Variants in COPG2 observed in about 807,000 individuals in gnomAD.
COPG2 encodes the protein coat protein complex I subunit gamma 2.
A neutral mutation model predicts 46.3 loss-of-function variants in COPG2; 37 were observed. That is an observed-to-expected ratio of 0.80 (90% CI 0.61 to 1.05). The LOEUF is 1.05. Among genes scored for constraint, COPG2 ranks in the 50% least tolerant of loss-of-function variants. COPG2 has a pLI of 0.00. For missense variants in COPG2, 427 were observed against 387.8 expected (o/e 1.10, Z -0.85); for synonymous variants, 159 against 129.7 (o/e 1.23, Z -1.53).
At chr7:130,513,031 A>G (rs782326478) in intron 20 of COPG2, among the ~76,000 whole-genome samples, 27 of 152,044 alleles carry the variant, frequency 1.8e-4, no homozygotes, top group Non-Finnish European at 3.8e-4. Flanking sequence ...CATGCCTGTA[A>G]TCCCAGCACT....
intron 20 of COPG2, among the ~76,000 whole-genome samples, chr7:130,545,894 T>C (rs1323026044): frequency 6.6e-6 from 1 of 152,210 alleles, no homozygotes; most frequent in Admixed American, 6.5e-5. Context: ...TCCTATACTA[T>C]ATGTAATTTC....
At chr7:130,665,219 C>T (rs1272182421) in intron 3 of COPG2, among the ~76,000 whole-genome samples, 1 of 152,108 alleles carries the variant, frequency 6.6e-6, no homozygotes, top group African/African-American at 2.4e-5. Flanking sequence ...GCTTAGTCTT[C>T]ATTTGTAAAC....
chr7:130,513,303 AAAAAAAT>A lies in COPG2; in HGVS notation c.2150-4651_2150-4645del, dbSNP rs1308014443. Among the ~76,000 whole-genome samples the A allele has an allele frequency of 8.6e-3, 402 of 46,554 alleles. 2 individuals carry two copies. The highest frequency in any genetic ancestry group is 0.035 in the African/African-American group (388 of 11,222). The allele number at this position is 46,554 out of a possible 152,430, so 30.5% of individuals were successfully genotyped here. A position where few individuals can be genotyped will look rare whatever the true frequency, so the allele number is the denominator to read the frequency against. On this transcript the variant is annotated intron_variant, in intron 20 of 23. Coordinates refer to ENST00000425248, the MANE Select transcript of COPG2 (RefSeq NM_012133.6). ...AATAATTCTGTCTAAAAAAAAAAAA[AAAAAAAT>A]ATATATATATATATATATATATATA...
chr7:130,520,313 T>C (rs1799713851), intron 20 of COPG2, among the ~76,000 whole-genome samples: 1 of 152,040 alleles, frequency 6.6e-6, no homozygotes, highest in African/African-American at 2.4e-5. Context: ...TGAGAAGACC[T>C]GTGTATATAA....
chr7:130,666,835 TA>T lies in COPG2; in HGVS notation c.171+13del. The T allele has an allele frequency of 8.1e-7, 1 of 1,240,512 alleles. No homozygotes were observed. The highest frequency in any genetic ancestry group is 2.0e-5 in the Admixed American group (1 of 49,366). 76.8% of individuals were successfully genotyped at this position (1,240,512 alleles called of 1,614,324 possible). On this transcript the variant is annotated intron_variant, in intron 3 of 23. Transcript: ENST00000425248. ...CCAGGACACACTTATCTGAGGAAAA[TA>T]AAAATAATATACCTGGTTCAGTAAG...
chr7:130,537,508 G>C (rs1204094154), intron 20 of COPG2, among the ~76,000 whole-genome samples: 1 of 150,422 alleles, frequency 6.6e-6, no homozygotes, highest in Non-Finnish European at 1.5e-5. Flanking sequence ...CTATGCAGTA[G>C]AGGAGGAAAG....
intron 5 of COPG2, among the ~76,000 whole-genome samples, chr7:130,643,616 G>A (rs1795533940): frequency 6.6e-6 from 1 of 152,076 alleles, no homozygotes; most frequent in South Asian, 2.1e-4. Context: ...AAAAAAGAAG[G>A]ACTGCAGATA....
At position 130,513,361 on chromosome 7, in the gene COPG2, ATATATATATATATATGTGTGTGTGTGTG is replaced by A. The variant is rs1164898458; in HGVS notation, c.2150-4730_2150-4703del. On this transcript the variant is annotated intron_variant, in intron 20 of 23. Coordinates refer to ENST00000425248, the MANE Select transcript of COPG2 (RefSeq NM_012133.6). Reference sequence around the variant, plus strand: ...TATATATGTGTGTGTGTGTGTGTGTATATATATATATATATGTGTGTGTGTGTGTATATATATATATACACATATACAT... The same window carrying A: ...TATATATGTGTGTGTGTGTGTGTGTATATATATATATATACACATATACAT... Among the ~76,000 whole-genome samples the A allele has an allele frequency of 3.0e-4, 12 of 39,522 alleles. 1 individual carries two copies. Among genetic ancestry groups the A allele is most frequent in the Admixed American group, 1.7e-3 (5 of 2,874 alleles). 25.9% of individuals were successfully genotyped at this position (39,522 alleles called of 152,430 possible).
chr7:130,653,671 G>C (rs1170724612), intron 4 of COPG2, among the ~76,000 whole-genome samples: 1 of 152,146 alleles, frequency 6.6e-6, no homozygotes, highest in East Asian at 1.9e-4. Context: ...CCAGACACCA[G>C]GTTCCTCTAG....
intron 20 of COPG2, among the ~76,000 whole-genome samples, chr7:130,525,406 G>T (rs1358107229): frequency 1.3e-5 from 2 of 152,130 alleles, no homozygotes; most frequent in African/African-American, 4.8e-5. Flanking sequence ...GTGGGGGATG[G>T]GGACAAATGA....
chr7:130,533,714 C>G (rs1259320641), intron 20 of COPG2, among the ~76,000 whole-genome samples: 2 of 152,066 alleles, frequency 1.3e-5, no homozygotes, highest in Non-Finnish European at 2.9e-5. Flanking sequence ...AGGCTGGGAG[C>G]AGACATTAAG....
chr7:130,606,234 A>AAAAGAAAGAGAGAGAGAGAGAGAG (rs1794725731), intron 9 of COPG2, among the ~76,000 whole-genome samples: 1 of 145,456 alleles, frequency 6.9e-6, no homozygotes, highest in Non-Finnish European at 1.5e-5. Context: ...ATAAATAAAA[A>AAAAGAAAGAGAGAGAGAGAGAGAG]AAAGAAAGAG....
At chr7:130,626,845 T>C (rs1210581041) in intron 5 of COPG2, among the ~76,000 whole-genome samples, 2 of 152,212 alleles carry the variant, frequency 1.3e-5, no homozygotes, top group Admixed American at 1.3e-4. Context: ...GTGGTCCTTT[T>C]AAATTACATT....
chr7:130,513,325 ATATATATATATATATATG>A (rs1799636124), intron 20 of COPG2, among the ~76,000 whole-genome samples: 3 of 50,580 alleles, frequency 5.9e-5, no homozygotes, highest in Admixed American at 2.6e-4. Context: ...ATATATATAT[ATATATATATATATATATG>A]TGTGTGTGTG....
chr7:130,632,066 T>C (rs1584593880), intron 5 of COPG2, among the ~76,000 whole-genome samples: 1 of 152,204 alleles, frequency 6.6e-6, no homozygotes, highest in South Asian at 2.1e-4. Flanking sequence ...CCATATGTTG[T>C]TTTGGTGGGA....
At chr7:130,532,803 C>T (rs1000290212) in intron 20 of COPG2, among the ~76,000 whole-genome samples, 2 of 152,200 alleles carry the variant, frequency 1.3e-5, no homozygotes. Flanking sequence ...GGATTCGGTG[C>T]AGTACGTGTG....
At chr7:130,600,352 C>T (rs1026629226) in intron 9 of COPG2, among the ~76,000 whole-genome samples, 4 of 152,178 alleles carry the variant, frequency 2.6e-5, no homozygotes, top group African/African-American at 9.7e-5. Context: ...CCTCCGCCTC[C>T]TGGGTTCAAG....
intron 11 of COPG2, among the ~76,000 whole-genome samples, chr7:130,561,627 G>A (rs996731718): frequency 6.6e-6 from 1 of 152,040 alleles, no homozygotes; most frequent in Non-Finnish European, 1.5e-5. Context: ...ATTTCAAGAC[G>A]CAAACTCCAG....
intron 20 of COPG2, among the ~76,000 whole-genome samples, chr7:130,537,364 T>C (rs1306862842): frequency 6.7e-6 from 1 of 149,196 alleles, no homozygotes; most frequent in African/African-American, 2.5e-5. Flanking sequence ...CAGAGAGGAC[T>C]GCATCTGGTG....
Sources: allele counts gnomAD v4.1 joint callset (sites outside exome capture counted in the v4.1 genomes callset), GRCh38; gene constraint gnomAD v4.1.1; transcripts MANE v1.5; gene names NCBI Gene and HGNC (gene_info 2026-07-23, HGNC 2026-07-21).